The following MTHFSD variants were observed in gnomAD, a reference collection of about 807,000 sequenced individuals.
MTHFSD encodes methenyltetrahydrofolate synthetase domain containing.
Under a neutral mutation model 31.1 loss-of-function variants are expected in MTHFSD, and 37 were observed. That is an observed-to-expected ratio of 1.19 (90% CI 0.91 to 1.56). The LOEUF (loss-of-function observed/expected upper bound fraction) is 1.56. Ranked by LOEUF, MTHFSD falls within the 40% of genes most tolerant of loss-of-function variation. The pLI is 0.00. For synonymous variants in MTHFSD, 221 were observed against 206.9 expected (o/e 1.07, Z -0.59); for missense variants, 664 against 510.1 (o/e 1.30, Z -2.91).
In MTHFSD at chr16:86,532,121, G is replaced by A. The variant is rs763776919; in HGVS notation, c.1042C>T (p.His348Tyr). 5.8e-6 allele frequency: 9 copies of A among 1,549,406 alleles called. No individual in the cohort carries two copies. The highest frequency in any genetic ancestry group is 7.8e-6 in the Non-Finnish European group (9 of 1,147,282). Residue 348 changes from histidine (H) to tyrosine (Y), a missense_variant, in exon 8 of 8, where the codon CAT becomes TAT. By Grantham distance (83) the His-to-Tyr change is moderately conservative. Transcript: ENST00000360900. ...TGGGCTGCGGCAGAGTCCGGGTAAT[G>A]GAGGAAGGCTCTGCGCCGCGGGCCC... ...WQGPRRRAFL[H>Y]YPDSAAAQQA... is the part of the protein sequence containing the mutation.
intron 3 of MTHFSD, among the ~76,000 whole-genome samples, chr16:86,551,058 A>G (rs1973076787): frequency 6.6e-6 from 1 of 152,254 alleles, no homozygotes; most frequent in African/African-American, 2.4e-5. Flanking sequence ...GATTTGCTCC[A>G]GCAAAACCAT....
At position 86,542,207 on chromosome 16, in the gene MTHFSD, C is replaced by A. The variant is rs1052991620; in HGVS notation, c.449G>T (p.Arg150Ile). Residue 150 changes from arginine (R) to isoleucine (I), a missense_variant, in exon 6 of 8, where the codon AGA (arginine) becomes ATA (isoleucine). Transcript: ENST00000360900. The surrounding 1 kb of genome is among the most constrained non-coding windows in gnomAD (Gnocchi z 4.6). ...GGCGTAGCCTTCTCCCTTCCCGATT[C>A]TCCAGCCTAAGAGACAACCGAGAAT... ...GSVAVSEKGW[R>I]IGKGEGYADL... The A allele has an allele frequency of 6.2e-7, 1 of 1,613,290 alleles. No homozygotes were observed. The highest frequency in any genetic ancestry group is 1.7e-5 in the Admixed American group (1 of 59,990).
intron 7 of MTHFSD, among the ~76,000 whole-genome samples, chr16:86,534,132 T>C (rs1232469736): frequency 6.6e-6 from 1 of 152,212 alleles, no homozygotes; most frequent in African/African-American, 2.4e-5. Flanking sequence ...ATTGTTCAGA[T>C]ACAAAGGAAA....
At chr16:86,541,892 G>A (rs1339355110) in intron 6 of MTHFSD, 70 bp from the exon 7 acceptor site, 13 of 1,588,792 alleles carry the variant, frequency 8.2e-6, no homozygotes, top group Middle Eastern at 1.7e-4. Flanking sequence ...TGCCCCGCTC[G>A]GTGGGAACGT....
At chr16:86,547,137 G>T in intron 4 of MTHFSD, 1 of 978,238 alleles carries the variant, frequency 1.0e-6, no homozygotes, top group African/African-American at 1.7e-5. Context: ...ATAAGACATG[G>T]TCAGTAAACA....
chr16:86,547,534 A>G lies in MTHFSD; in HGVS notation c.352-885T>C, dbSNP rs971435295. The stretch of plus-strand genomic sequence containing the variant: ...CTGCAGGAAACCCTGTGTTCTCATC[A>G]TCTCGCAGGGTCCACGGGGGCAGGC... On this transcript the variant is annotated intron_variant, in intron 4 of 7. Transcript: ENST00000360900. 5.1e-6 allele frequency: 5 copies of G among 986,754 alleles called. No homozygotes were observed. The South Asian group carries it at 1.9e-4, about 37-fold the overall frequency. 61.1% of individuals were successfully genotyped at this position (986,754 alleles called of 1,614,324 possible).
At chr16:86,541,469 C>A in intron 7 of MTHFSD, 1 of 665,534 alleles carries the variant, frequency 1.5e-6, no homozygotes, top group Non-Finnish European at 2.5e-6. Flanking sequence ...TCTACAGAGG[C>A]AGATTTTAAA....
Position 86,542,488 on chromosome 16 carries a change from C to G in MTHFSD, c.443-275G>C. 5.2e-6 allele frequency: 2 copies of G among 381,710 alleles called. No homozygotes were observed. The highest frequency in any genetic ancestry group is 4.7e-6 in the Non-Finnish European group (1 of 212,470). The allele number at this position is 381,710 out of a possible 1,614,324, so 23.6% of individuals were successfully genotyped here. ...CGTTCAAGCATGTCACAAAGGGAAA[C>G]AGATCACACTCATGTCAGCTTTATG... On this transcript the variant is annotated intron_variant, in intron 5 of 7. Transcript: ENST00000360900. This position sits in a 1 kb window ranked among gnomAD's most constrained non-coding sequence, Gnocchi z 4.6.
In MTHFSD at chr16:86,542,561, A is replaced by C. The variant is rs765699598; in HGVS notation, c.443-348T>G. 5 of 200,776 alleles carry C rather than the reference A, an allele frequency of 2.5e-5. No individual in the cohort carries two copies. Among genetic ancestry groups the C allele is most frequent in the Non-Finnish European group, 4.0e-5 (4 of 99,726 alleles). 12.4% of individuals were successfully genotyped at this position (200,776 alleles called of 1,614,324 possible). ...AGAATGAAAAGAGCAGTTCTCAAAA[A>C]GACTAAAAACAAATTCCCACTGAAA... On this transcript the variant is annotated intron_variant, in intron 5 of 7. Transcript: ENST00000360900. The surrounding 1 kb of genome is among the most constrained non-coding windows in gnomAD (Gnocchi z 4.6).
In MTHFSD at chr16:86,531,807, G is replaced by C. The variant is rs545950484; in HGVS notation, c.*204C>G. The C allele has an allele frequency of 4.7e-6, 2 of 422,238 alleles. No individual in the cohort carries two copies. Among genetic ancestry groups the C allele is most frequent in the Admixed American group, 4.1e-5 (1 of 24,494 alleles). The allele number at this position is 422,238 out of a possible 1,614,324, so 26.2% of individuals were successfully genotyped here. On this transcript the variant is annotated 3_prime_UTR_variant, in exon 8 of 8. Transcript: ENST00000360900. This position sits in a 1 kb window ranked among gnomAD's most constrained non-coding sequence, Gnocchi z 5.5. ...AGGCTGCAGTCTCTGCGCGCTGTGA[G>C]ATGAACCGCAGGGCGGCTTCCCCAC...
At chr16:86,553,095 T>C (rs1444217125) in intron 2 of MTHFSD, among the ~76,000 whole-genome samples, 1 of 152,220 alleles carries the variant, frequency 6.6e-6, no homozygotes, top group Non-Finnish European at 1.5e-5. Context: ...AAGGCATTCA[T>C]TTCTTTCCAA....
intron 3 of MTHFSD, among the ~76,000 whole-genome samples, chr16:86,550,143 G>A (rs567784395): frequency 6.6e-6 from 1 of 152,346 alleles, no homozygotes; most frequent in South Asian, 2.1e-4. Flanking sequence ...CATGCAGCTG[G>A]GGCTCAGGAA....
intron 7 of MTHFSD, among the ~76,000 whole-genome samples, chr16:86,537,308 G>A (rs373255228): frequency 1.3e-5 from 2 of 152,044 alleles, no homozygotes; most frequent in African/African-American, 4.8e-5. Flanking sequence ...TCCATATCAA[G>A]CATGTATAAT....
chr16:86,555,130 C>T (rs898902702), intron 1 of MTHFSD, 39 bp downstream of exon 1: 7 of 1,532,620 alleles, frequency 4.6e-6, no homozygotes, highest in African/African-American at 2.7e-5. Context: ...CTGTCCCTCC[C>T]CATTCCCAGC....
chr16:86,534,006 C>A (rs1013778677), intron 7 of MTHFSD, among the ~76,000 whole-genome samples: 1 of 152,210 alleles, frequency 6.6e-6, no homozygotes, highest in African/African-American at 2.4e-5. Flanking sequence ...GGCACTGCCA[C>A]GTCAGAAGCC....
In MTHFSD at chr16:86,531,757, C is replaced by A; in HGVS notation, c.*254G>T. ...CCCTCCAGAGAAACAGAAACCGACT[C>A]AAGGCCCGAGCCTGCACGATTGGGA... On this transcript the variant is annotated 3_prime_UTR_variant, in exon 8 of 8. Transcript: ENST00000360900. The surrounding 1 kb of genome is among the most constrained non-coding windows in gnomAD (Gnocchi z 5.5). The A allele has an allele frequency of 2.9e-6, 1 of 347,654 alleles. No individual in the cohort carries two copies. The highest frequency in any genetic ancestry group is 5.2e-6 in the Non-Finnish European group (1 of 193,618). The allele number at this position is 347,654 out of a possible 1,614,324, so 21.5% of individuals were successfully genotyped here. A position where few individuals can be genotyped will look rare whatever the true frequency, so the allele number is the denominator to read the frequency against.
At chr16:86,551,481 T>C (rs1973136695) in intron 3 of MTHFSD, among the ~76,000 whole-genome samples, 1 of 152,214 alleles carries the variant, frequency 6.6e-6, no homozygotes, top group Non-Finnish European at 1.5e-5. Flanking sequence ...CGCCATAGTT[T>C]TTGTGTTTGT....
At chr16:86,541,281 A>G (rs1971472114) in intron 7 of MTHFSD, 6 of 1,127,244 alleles carry the variant, frequency 5.3e-6, no homozygotes, top group Non-Finnish European at 4.6e-6. Context: ...TTGAAGATCC[A>G]GATCGTCAGT....
Position 86,542,181 on chromosome 16 carries a change from C to A in MTHFSD, c.475G>T (p.Asp159Tyr), listed in dbSNP as rs372016279. ...GATACCATCATGGCATATTCCAGAT[C>A]GGCGTAGCCTTCTCCCTTCCCGATT... ...WRIGKGEGYA[D>Y]LEYAMMVSMG... The change falls in exon 6 of 8, where the codon GAT becomes TAT. Residue 159 changes from aspartate to tyrosine, a missense_variant. Transcript: ENST00000360900. This position sits in a 1 kb window ranked among gnomAD's most constrained non-coding sequence, Gnocchi z 4.6. The A allele has an allele frequency of 6.2e-6, 10 of 1,613,754 alleles. No individual in the cohort carries two copies. The highest frequency in any genetic ancestry group is 5.5e-5 in the South Asian group (5 of 91,088).
Sources: gnomAD v4.1 joint callset for allele counts (sites outside exome capture counted in the v4.1 genomes callset) on GRCh38, gnomAD v4.1.1 for gene constraint, Gnocchi (gnomAD v3.1) non-coding constraint, MANE v1.5 for transcripts, NCBI Gene and HGNC (gene_info 2026-07-23, HGNC 2026-07-21) for gene names.